Variants in ANK1 observed in about 807,000 individuals in gnomAD.
ANK1 encodes the protein ankyrin-1.
A neutral mutation model predicts 210.4 loss-of-function variants in ANK1; 51 were observed. That is an observed-to-expected ratio of 0.24 (90% CI 0.19 to 0.31). The LOEUF is 0.31. Ranked by LOEUF, ANK1 falls within the 10% of genes least tolerant of loss-of-function variation. The pLI is 1.00. For missense variants in ANK1, 2,051 were observed against 2,504.4 expected (o/e 0.82, Z 3.86); for synonymous variants, 967 against 1,025.9 (o/e 0.94, Z 1.10).
intron 1 of ANK1, among the ~76,000 whole-genome samples, chr8:41,813,251 A>G (rs755165947): frequency 1.3e-5 from 2 of 152,230 alleles, no homozygotes; most frequent in African/African-American, 2.4e-5. Context: ...CGATTTCTCC[A>G]AAGTTCACAT....
chr8:41,873,915 G>A (rs890771440), intron 1 of ANK1, among the ~76,000 whole-genome samples: 1 of 152,184 alleles, frequency 6.6e-6, no homozygotes, highest in African/African-American at 2.4e-5. Context: ...TACTCCAGGA[G>A]CCAAACAGAC....
chr8:41,761,879 GC>G (rs1365096009), intron 1 of ANK1, among the ~76,000 whole-genome samples: 1 of 151,290 alleles, frequency 6.6e-6, no homozygotes, highest in Non-Finnish European at 1.5e-5. Flanking sequence ...CCACCTCCCA[GC>G]CCCCACCCAC....
chr8:41,700,557 T>C, intron 22 of ANK1: 2 of 1,210,918 alleles, frequency 1.7e-6, no homozygotes, highest in Non-Finnish European at 1.2e-6. Context: ...TCTGCTTCTC[T>C]AGTTGACAAA....
chr8:41,663,570 C>G, intron 40 of ANK1, 89 bp downstream of exon 40: 1 of 1,303,578 alleles, frequency 7.7e-7, no homozygotes, highest in South Asian at 1.2e-5. Flanking sequence ...GCTGTGAGGG[C>G]AGCAGGGAGA....
intron 2 of ANK1, among the ~76,000 whole-genome samples, chr8:41,744,363 A>G (rs76774312): frequency 0.023 from 3,504 of 152,222 alleles, 129 homozygotes; most frequent in African/African-American, 0.079. Context: ...GATGTCATTA[A>G]TGGGCTATTA....
rs1183430378 is a variant in ANK1, at chr8:41,758,051, A to G, written c.114T>C (p.Ile38=). The G allele has an allele frequency of 1.2e-6, 2 of 1,614,022 alleles. No individual in the cohort carries two copies. Among genetic ancestry groups the G allele is most frequent in the East Asian group, 2.2e-5 (1 of 44,904 alleles). The change falls in exon 2 of 43, where the codon ATT becomes ATC. Residue 38 remains isoleucine, a synonymous_variant. Coordinates refer to ENST00000289734, the MANE Select transcript of ANK1 (RefSeq NM_000037.4). ...ALDHLRNGVD[I]NTCNQNGLNG... ...TCCCACTTACCTGGTTACAGGTGTT[A>G]ATATCTACCCCATTCCGCAGGTGAT... is the stretch of plus-strand genomic sequence containing the variant.
intron 38 of ANK1, among the ~76,000 whole-genome samples, chr8:41,671,292 G>A (rs577403046): frequency 6.6e-6 from 1 of 152,242 alleles, no homozygotes; most frequent in South Asian, 2.1e-4. Flanking sequence ...TGGGGAGGGC[G>A]CCATTATCAG....
In ANK1 at chr8:41,871,335, G is replaced by A. The variant is rs148298518; in HGVS notation, c.126+25020C>T. ...CTGTTTATTTATGTTTTAGAGACAG[G>A]GTCGCTGTGTCACCCAGGCTGGAGG... On this transcript the variant is annotated intron_variant, in intron 1 of 42. Transcript: ENST00000265709. Among the ~76,000 whole-genome samples, 334 of 152,256 alleles carry A rather than the reference G, an allele frequency of 2.2e-3. 4 individuals carry two copies. The highest frequency in any genetic ancestry group is 0.01 in the Middle Eastern group (3 of 294).
chr8:41,791,028 A>G (rs891306564), intron 1 of ANK1, among the ~76,000 whole-genome samples: 14 of 152,010 alleles, frequency 9.2e-5, no homozygotes, highest in African/African-American at 3.4e-4. Flanking sequence ...AGCAGGACAG[A>G]GGGCACCAGG....
At chr8:41,817,940 A>T (rs1459235813) in intron 1 of ANK1, among the ~76,000 whole-genome samples, 36 of 152,214 alleles carry the variant, frequency 2.4e-4, no homozygotes, top group Non-Finnish European at 4.9e-4. Flanking sequence ...AAGTGGCAAG[A>T]GTTGGTGTGC....
At chr8:41,754,147 A>G (rs1344966408) in intron 2 of ANK1, among the ~76,000 whole-genome samples, 3 of 152,242 alleles carry the variant, frequency 2.0e-5, no homozygotes, top group African/African-American at 7.2e-5. Context: ...ACGGATAAGG[A>G]ACGTGACTTT....
At chr8:41,772,433 C>T (rs1209422107) in intron 1 of ANK1, among the ~76,000 whole-genome samples, 1 of 152,078 alleles carries the variant, frequency 6.6e-6, no homozygotes, top group South Asian at 2.1e-4. Context: ...CTTTTTTCCT[C>T]CTCCCCTCCA....
At chr8:41,661,045 T>C in intron 42 of ANK1, 1 of 262,308 alleles carries the variant, frequency 3.8e-6, no homozygotes, top group South Asian at 4.3e-5. Flanking sequence ...TCTGGCTTTT[T>C]TTTTTCTTTT....
At chr8:41,687,128 A>G (rs1199577536) in intron 35 of ANK1, among the ~76,000 whole-genome samples, 2 of 152,236 alleles carry the variant, frequency 1.3e-5, no homozygotes, top group Admixed American at 1.3e-4. Context: ...GAGTGTGTCT[A>G]AAGTGTTCTC....
intron 1 of ANK1, among the ~76,000 whole-genome samples, chr8:41,844,249 C>T (rs930454364): frequency 1.3e-5 from 2 of 152,202 alleles, no homozygotes; most frequent in Non-Finnish European, 2.9e-5. Context: ...CTTGGTATCC[C>T]CTCGGGGAAG....
intron 2 of ANK1, among the ~76,000 whole-genome samples, chr8:41,755,044 T>A (rs1346121527): frequency 2.0e-5 from 3 of 152,256 alleles, no homozygotes; most frequent in Admixed American, 2.0e-4. Flanking sequence ...GGCAGTGTCC[T>A]CTTTAAGAGA....
Position 41,661,463 on chromosome 8 carries a change from G to C in ANK1, c.*3C>G, listed in dbSNP as rs755812906. Reference sequence around the variant, plus strand: ...AGGCTACTCCAAGGAGAGCGGCTCGGGGTCACTGTTTCCCCCTTTTCAGGC... The same window carrying C: ...AGGCTACTCCAAGGAGAGCGGCTCGCGGTCACTGTTTCCCCCTTTTCAGGC... On this transcript the variant is annotated 3_prime_UTR_variant, in exon 42 of 43. Transcript: ENST00000289734. 1.9e-6 allele frequency: 3 copies of C among 1,613,942 alleles called. No individual in the cohort carries two copies. The highest frequency in any genetic ancestry group is 2.7e-5 in the African/African-American group (2 of 74,920).
At chr8:41,664,209 C>T (rs1386353545) in intron 39 of ANK1, 8 of 456,734 alleles carry the variant, frequency 1.8e-5, no homozygotes, top group South Asian at 1.1e-4. Context: ...TGGTGGCTCA[C>T]GCCTGCTATC....
At chr8:41,795,966 A>G (rs1848660766) in intron 1 of ANK1, among the ~76,000 whole-genome samples, 1 of 152,228 alleles carries the variant, frequency 6.6e-6, no homozygotes, top group Non-Finnish European at 1.5e-5. Flanking sequence ...GGACACCCCA[A>G]ATACCCTGTC....
Sources: gnomAD v4.1 joint callset for allele counts (sites outside exome capture counted in the v4.1 genomes callset) on GRCh38, gnomAD v4.1.1 for gene constraint, MANE v1.5 for transcripts, NCBI Gene and HGNC (gene_info 2026-07-23, HGNC 2026-07-21) for gene names.